GPHN: variants seen among roughly 807,000 people sequenced by gnomAD.
GPHN encodes gephyrin.
GPHN carries 17 observed loss-of-function variants against 95.5 expected under a neutral mutation model. The ratio of observed to expected loss-of-function variants is 0.18; its 90% confidence interval spans 0.12 to 0.27. GPHN has a LOEUF of 0.27. Ranked by LOEUF, GPHN falls within the 10% of genes least tolerant of loss-of-function variation. GPHN has a pLI of 1.00. For synonymous variants in GPHN, 320 were observed against 322.5 expected, an observed-to-expected ratio of 0.99 and a Z score of 0.08; for missense variants, 660 against 978.1, an observed-to-expected ratio of 0.67 and a Z score of 4.34.
the GPHN span, among the ~76,000 whole-genome samples, chr14:67,237,737 A>G: frequency 6.6e-6 from 1 of 152,212 alleles, no homozygotes; most frequent in African/African-American, 2.4e-5. Context: ...GAGGGTATTT[A>G]CTATGGTGAC....
chr14:66,676,672 A>ATTTTTTTTTTTTTTTT (rs56906168), intron 1 of GPHN, among the ~76,000 whole-genome samples: 2 of 126,080 alleles, frequency 1.6e-5, no homozygotes, highest in African/African-American at 3.0e-5. Context: ...ATCGTAGTGT[A>ATTTTTTTTTTTTTTTT]TTTTTTTTTT....
the GPHN span, among the ~76,000 whole-genome samples, chr14:67,520,328 T>A: frequency 6.6e-6 from 1 of 152,222 alleles, no homozygotes; most frequent in Non-Finnish European, 1.5e-5. Context: ...CCTCTGTGCT[T>A]TGCTAATTCA....
chr14:67,724,415 A>G, the GPHN span: 1 of 919,804 alleles, frequency 1.1e-6, no homozygotes, highest in African/African-American at 1.7e-5. Context: ...TTTTTAACGT[A>G]TCTTAGTGTG....
At chr14:66,657,027 C>T (rs1276523097) in intron 1 of GPHN, among the ~76,000 whole-genome samples, 2 of 152,192 alleles carry the variant, frequency 1.3e-5, no homozygotes, top group Admixed American at 6.5e-5. Context: ...TCGCACCAAA[C>T]ACTTAGCCAA....
chr14:67,013,143 A>T (rs925740855), intron 9 of GPHN, among the ~76,000 whole-genome samples: 5 of 151,762 alleles, frequency 3.3e-5, no homozygotes, highest in African/African-American at 7.3e-5. Flanking sequence ...ACTCTTTTTT[A>T]TTATTATTAT....
chr14:67,663,822 G>C, the GPHN span, among the ~76,000 whole-genome samples: 1 of 152,166 alleles, frequency 6.6e-6, no homozygotes, highest in Non-Finnish European at 1.5e-5. Flanking sequence ...TGGTTAGTCA[G>C]CGGGGTGAGG....
At chr14:67,482,465 C>T in the GPHN span, among the ~76,000 whole-genome samples, 3 of 152,138 alleles carry the variant, frequency 2.0e-5, no homozygotes, top group African/African-American at 4.8e-5. Context: ...CCCATGCAAC[C>T]GGGCTGGGAA....
At chr14:66,738,788 TTTA>T (rs1344407652) in intron 2 of GPHN, among the ~76,000 whole-genome samples, 2 of 152,156 alleles carry the variant, frequency 1.3e-5, no homozygotes, top group Admixed American at 6.5e-5. Context: ...GTGAATTTAT[TTTA>T]TTATTTTAAA....
chr14:66,932,457 T>TTGTTTG (rs1555444719), intron 8 of GPHN, among the ~76,000 whole-genome samples: 7 of 124,208 alleles, frequency 5.6e-5, no homozygotes, highest in Non-Finnish European at 1.0e-4. Context: ...TTTTTTTTTT[T>TTGTTTG]TTTTTTTTTT....
the GPHN span, among the ~76,000 whole-genome samples, chr14:67,194,201 A>G: frequency 3.8e-4 from 57 of 151,772 alleles, no homozygotes; most frequent in East Asian, 9.1e-3. Flanking sequence ...CGTCTCTACA[A>G]AAAAATACAT....
intron 8 of GPHN, among the ~76,000 whole-genome samples, chr14:66,925,275 A>G (rs2066426384): frequency 6.6e-6 from 1 of 152,212 alleles, no homozygotes; most frequent in Admixed American, 6.5e-5. Context: ...TTTGTGTTAC[A>G]GACATTCCAA....
intron 1 of GPHN, among the ~76,000 whole-genome samples, chr14:66,594,470 C>T (rs2061888412): frequency 6.6e-6 from 1 of 152,022 alleles, no homozygotes; most frequent in Non-Finnish European, 1.5e-5. Context: ...AAAGCAGACA[C>T]ACAGACTTAC....
intron 4 of GPHN, among the ~76,000 whole-genome samples, chr14:66,827,306 G>C (rs1225039961): frequency 2.0e-5 from 3 of 151,692 alleles, no homozygotes; most frequent in East Asian, 3.9e-4. Flanking sequence ...GCGGGGTGAG[G>C]GGGGTGCAGA....
chr14:67,161,468 A>G (rs557900575), intron 19 of GPHN, among the ~76,000 whole-genome samples: 1 of 152,138 alleles, frequency 6.6e-6, no homozygotes, highest in Non-Finnish European at 1.5e-5. Flanking sequence ...CAAAACCTCA[A>G]AAATTGAATT....
intron 8 of GPHN, among the ~76,000 whole-genome samples, chr14:66,958,361 A>G (rs758668639): frequency 6.6e-6 from 1 of 152,006 alleles, no homozygotes; most frequent in Non-Finnish European, 1.5e-5. Context: ...CCTTCAATTT[A>G]TTTGCGTCTT....
chr14:66,720,484 T>C, intron 2 of GPHN, among the ~76,000 whole-genome samples: 1 of 152,184 alleles, frequency 6.6e-6, no homozygotes, highest in South Asian at 2.1e-4. Context: ...AACATACTTC[T>C]TGAATAAAGA....
At chr14:66,677,407 C>T (rs546006507) in intron 1 of GPHN, among the ~76,000 whole-genome samples, 1 of 152,074 alleles carries the variant, frequency 6.6e-6, no homozygotes, top group African/African-American at 2.4e-5. Context: ...GTAAACTTCC[C>T]TTTTAGTACT....
the GPHN span, among the ~76,000 whole-genome samples, chr14:67,534,959 G>C: frequency 6.6e-6 from 1 of 152,196 alleles, no homozygotes; most frequent in African/African-American, 2.4e-5. Context: ...AAACAATCTA[G>C]ATGTCCATCA....
At chr14:66,707,052 GA>G (rs61279772) in intron 2 of GPHN, among the ~76,000 whole-genome samples, 36,119 of 111,388 alleles carry the variant, frequency 0.32, 8,957 homozygotes, top group African/African-American at 0.66. Context: ...ACAAACATTT[GA>G]AAAAAAAAAA....
Sources: gnomAD v4.1 joint callset for allele counts (sites outside exome capture counted in the v4.1 genomes callset) on GRCh38, gnomAD v4.1.1 for gene constraint, MANE v1.5 for transcripts, NCBI Gene and HGNC (gene_info 2026-07-23, HGNC 2026-07-21) for gene names.